The following HSD17B12 variants were observed in gnomAD, a reference collection of about 807,000 sequenced individuals.
HSD17B12 encodes the protein very-long-chain 3-oxoacyl-CoA reductase.
Under a neutral mutation model 39.3 loss-of-function variants are expected in HSD17B12, and 32 were observed. The ratio of observed to expected loss-of-function variants is 0.81; its 90% CI spans 0.61 to 1.09. The LOEUF is 1.09. HSD17B12 is among the 50% of genes least tolerant of loss of function. HSD17B12 has a pLI of 0.00. For synonymous variants in HSD17B12, 150 were observed against 146.7 expected (o/e 1.02, Z -0.16); for missense variants, 342 against 382.9 (o/e 0.89, Z 0.89).
intron 3 of HSD17B12, among the ~76,000 whole-genome samples, chr11:43,765,511 T>C (rs1408719975): frequency 6.6e-6 from 1 of 152,052 alleles, no homozygotes; most frequent in East Asian, 1.9e-4. Context: ...CCTCTTCTTG[T>C]AGTTTCCCTA....
intron 3 of HSD17B12, among the ~76,000 whole-genome samples, chr11:43,780,927 A>G (rs1950759220): frequency 6.6e-6 from 1 of 152,104 alleles, no homozygotes; most frequent in African/African-American, 2.4e-5. Context: ...TGTATATTTT[A>G]TAATAAAAAT....
chr11:43,693,654 C>T (rs1206747377), intron 1 of HSD17B12, among the ~76,000 whole-genome samples: 1 of 152,074 alleles, frequency 6.6e-6, no homozygotes, highest in Non-Finnish European at 1.5e-5. Context: ...ATATGTTCCT[C>T]AAGGTGGCCA....
chr11:43,574,045 A>G, the HSD17B12 span, among the ~76,000 whole-genome samples: 1 of 152,218 alleles, frequency 6.6e-6, no homozygotes, highest in East Asian at 1.9e-4. Context: ...CATGTATGCA[A>G]TCGTGAGCTA....
chr11:43,783,535 G>A (rs1485810499), intron 3 of HSD17B12, among the ~76,000 whole-genome samples: 2 of 151,552 alleles, frequency 1.3e-5, no homozygotes, highest in Non-Finnish European at 2.9e-5. Context: ...TCTACATTAG[G>A]TATTTCTCCT....
At chr11:43,679,175 G>A (rs2134729400), upstream of HSD17B12, among the ~76,000 whole-genome samples, 1 of 152,232 alleles carries the variant, frequency 6.6e-6, no homozygotes, top group South Asian at 2.1e-4. Context: ...GGATTCCTAG[G>A]TATTTTATTT....
intron 1 of HSD17B12, among the ~76,000 whole-genome samples, chr11:43,707,648 A>C (rs1012199111): frequency 1.3e-5 from 2 of 152,232 alleles, no homozygotes; most frequent in African/African-American, 4.8e-5. Flanking sequence ...GCAGCCATTG[A>C]ATTGTGTAGA....
chr11:43,615,217 A>G, the HSD17B12 span, among the ~76,000 whole-genome samples: 4 of 152,206 alleles, frequency 2.6e-5, no homozygotes, highest in Non-Finnish European at 4.4e-5. Flanking sequence ...TAGCCTATTC[A>G]TAAGATCTGC....
chr11:43,609,594 T>C, the HSD17B12 span, among the ~76,000 whole-genome samples: 1 of 152,048 alleles, frequency 6.6e-6, no homozygotes, highest in Admixed American at 6.6e-5. Flanking sequence ...GGTCTACAAC[T>C]CCTGAGCTCA....
chr11:43,698,249 G>A (rs770690762), intron 1 of HSD17B12, among the ~76,000 whole-genome samples: 3 of 152,124 alleles, frequency 2.0e-5, no homozygotes, highest in African/African-American at 7.2e-5. Flanking sequence ...ATCAGGCTTT[G>A]GGAAGAAAAT....
Position 43,746,294 on chromosome 11 carries a change from AAG to A in HSD17B12, c.161-4615_161-4614del. On this transcript the variant is annotated intron_variant, in intron 1 of 10. Coordinates refer to ENST00000278353, the MANE Select transcript of HSD17B12 (RefSeq NM_016142.3). The stretch of plus-strand genomic sequence containing the variant: ...TTCTGTAATAACACTTAGCTTAAAA[AAG>A]AAACACATTGTATACTGTACAAAAA... Among the ~76,000 whole-genome samples, 6 of 152,362 alleles carry A rather than the reference AAG, an allele frequency of 3.9e-5. 1 individual carries two copies. The Middle Eastern group carries it at 0.014, about 345-fold the overall frequency.
At chr11:43,685,087 C>CA (rs1158549320) in intron 1 of HSD17B12, among the ~76,000 whole-genome samples, 31 of 151,942 alleles carry the variant, frequency 2.0e-4, no homozygotes, top group Non-Finnish European at 4.0e-4. Context: ...TCAGATTTCA[C>CA]AAAAAAAGTC....
At chr11:43,796,284 T>C (rs1329204062) in intron 3 of HSD17B12, among the ~76,000 whole-genome samples, 1 of 151,944 alleles carries the variant, frequency 6.6e-6, no homozygotes, top group Admixed American at 6.6e-5. Context: ...CCGGGAACGA[T>C]GGTGTGTGCC....
the HSD17B12 span, among the ~76,000 whole-genome samples, chr11:43,619,261 T>TATATATATAAAATATATATATATGA: frequency 1.2e-5 from 1 of 80,782 alleles, no homozygotes; most frequent in Non-Finnish European, 2.6e-5. Context: ...TATATATATT[T>TATATATATAAAATATATATATATGA]TATATATATA....
At chr11:43,614,296 C>A in the HSD17B12 span, among the ~76,000 whole-genome samples, 1 of 152,128 alleles carries the variant, frequency 6.6e-6, no homozygotes, top group African/African-American at 2.4e-5. Context: ...ACAAGTTTTT[C>A]TCTTTTCGTT....
the HSD17B12 span, among the ~76,000 whole-genome samples, chr11:43,613,726 G>A: frequency 6.6e-6 from 1 of 151,336 alleles, no homozygotes; most frequent in South Asian, 2.1e-4. Context: ...GAATTCAATG[G>A]CGTGATCTTA....
intron 2 of HSD17B12, among the ~76,000 whole-genome samples, chr11:43,752,112 TG>T (rs1950470168): frequency 6.6e-6 from 1 of 152,210 alleles, no homozygotes; most frequent in African/African-American, 2.4e-5. Context: ...ATGCCATTTT[TG>T]AAAAATCCAG....
In HSD17B12 at chr11:43,712,109, A is replaced by G. The variant is rs1338476330; in HGVS notation, c.160+31122A>G. Reference sequence around the variant, plus strand: ...CAATCTATTTTCTCTGAAGCCTGCTACTTGGAGGCTTTGTCTGTATAATAA... The same window carrying G: ...CAATCTATTTTCTCTGAAGCCTGCTGCTTGGAGGCTTTGTCTGTATAATAA... On this transcript the variant is annotated intron_variant, in intron 1 of 10. Transcript: ENST00000278353. Among the ~76,000 whole-genome samples the G allele has an allele frequency of 2.6e-5, 4 of 152,168 alleles. No homozygotes were observed. The East Asian group carries it at 7.7e-4, about 29-fold the overall frequency.
chr11:43,626,469 A>G, the HSD17B12 span, among the ~76,000 whole-genome samples: 1 of 151,888 alleles, frequency 6.6e-6, no homozygotes, highest in South Asian at 2.1e-4. Flanking sequence ...GAAAATGCCA[A>G]TAAAAATAAT....
At chr11:43,709,635 C>T (rs1371563343) in intron 1 of HSD17B12, among the ~76,000 whole-genome samples, 2 of 152,070 alleles carry the variant, frequency 1.3e-5, no homozygotes, top group East Asian at 1.9e-4. Flanking sequence ...CTAGAATGAA[C>T]TCAAATGATA....
Sources: gnomAD v4.1 joint callset for allele counts (sites outside exome capture counted in the v4.1 genomes callset) on GRCh38, gnomAD v4.1.1 for gene constraint, MANE v1.5 for transcripts, NCBI Gene and HGNC (gene_info 2026-07-23, HGNC 2026-07-21) for gene names.